PCDH11Y: variants seen among roughly 807,000 people sequenced by gnomAD.
PCDH11Y encodes protocadherin 11 Y-linked.
For missense variants in PCDH11Y, 12 were observed against 224.8 expected, an observed-to-expected ratio of 0.05 and a Z score of 6.05; for synonymous variants, 9 against 83.6, an observed-to-expected ratio of 0.11 and a Z score of 4.87.
At chrY:5,275,956 G>C in intron 2 of PCDH11Y, among the ~76,000 whole-genome samples, 1 of 33,007 alleles carries the variant, frequency 3.0e-5, no homozygotes, top group African/African-American at 1.2e-4. Context: ...GTATCTCCTA[G>C]GTTTGTGATA....
chrY:5,192,719 T>C (rs2124648561), intron 2 of PCDH11Y, among the ~76,000 whole-genome samples: 1 of 33,503 alleles, frequency 3.0e-5, no homozygotes, highest in East Asian at 8.0e-4. Flanking sequence ...AATTGCAGTT[T>C]TGAGTAGTGC....
chrY:5,605,836 A>C, intron 4 of PCDH11Y, among the ~76,000 whole-genome samples: 2 of 30,353 alleles, frequency 6.6e-5, no homozygotes, highest in African/African-American at 2.6e-4. Flanking sequence ...AAAGGAATGG[A>C]ATGTACTTTG....
chrY:5,391,286 TTCTG>T lies in PCDH11Y; in HGVS notation c.3130-109768_3130-109765del, dbSNP rs2053220793. On this transcript the variant is annotated intron_variant, in intron 2 of 4. Coordinates refer to the PCDH11Y transcript ENST00000400457. ...TCCAGAGACTTCACAATCCTATACT[TTCTG>T]TCATATTTCACATGGAGTGCTTGCT... is the stretch of plus-strand genomic sequence containing the variant. Among the ~76,000 whole-genome samples, 55 of 28,886 alleles carry T rather than the reference TTCTG, an allele frequency of 1.9e-3. No homozygotes were observed. The East Asian group carries it at 0.049, about 26-fold the overall frequency. The allele number at this position is 28,886 out of a possible 37,273, so 77.5% of individuals were successfully genotyped here. A position where few individuals can be genotyped will look rare whatever the true frequency, so the allele number is the denominator to read the frequency against.
intron 2 of PCDH11Y, among the ~76,000 whole-genome samples, chrY:5,282,505 G>A: frequency 2.9e-5 from 1 of 34,010 alleles, no homozygotes; most frequent in Non-Finnish European, 7.5e-5. Context: ...TCACAGCCAC[G>A]TATAATAAAA....
intron 2 of PCDH11Y, among the ~76,000 whole-genome samples, chrY:5,111,426 A>G: frequency 3.0e-5 from 1 of 33,687 alleles, no homozygotes; most frequent in Non-Finnish European, 7.4e-5. Flanking sequence ...CACAAATTTA[A>G]TTATCCAAAG....
rs2053468631 is a variant in PCDH11Y, at chrY:5,597,365, G to GTA, written c.3352+15576_3352+15577dup. On this transcript the variant is annotated intron_variant, in intron 4 of 4. Transcript: ENST00000400457. ...TATATATATGTGTGTATATATATAC[G>GTA]TATATATATACATATATATGTGTGT... 1.5e-4 allele frequency among the ~76,000 whole-genome samples: 4 copies of GTA among 26,687 alleles called. No homozygotes were observed. The East Asian group carries it at 2.8e-3, about 19-fold the overall frequency. The allele number at this position is 26,687 out of a possible 37,273, so 71.6% of individuals were successfully genotyped here.
downstream of PCDH11Y, among the ~76,000 whole-genome samples, chrY:5,109,633 G>A: frequency 3.1e-5 from 1 of 32,493 alleles, no homozygotes; most frequent in Non-Finnish European, 7.5e-5. Flanking sequence ...TTGATTAGTT[G>A]ATAGTGTAAT....
chrY:5,039,368 A>G (rs2563689), intron 3 of PCDH11Y, among the ~76,000 whole-genome samples: 21 of 33,408 alleles, frequency 6.3e-4, no homozygotes, highest in African/African-American at 2.4e-3. Context: ...CCCTGTGATC[A>G]CAATTTCCTA....
chrY:5,052,508 A>G, upstream of PCDH11Y, among the ~76,000 whole-genome samples: 1 of 33,480 alleles, frequency 3.0e-5, no homozygotes, highest in Non-Finnish European at 7.4e-5. Flanking sequence ...TTACCTACTC[A>G]GAGATGATAA....
At chrY:5,709,722 C>G in intron 4 of PCDH11Y, among the ~76,000 whole-genome samples, 1 of 33,433 alleles carries the variant, frequency 3.0e-5, no homozygotes, top group African/African-American at 1.2e-4. Flanking sequence ...GATGGGGAAA[C>G]TATCTCCTCA....
chrY:5,621,444 C>G, intron 4 of PCDH11Y, among the ~76,000 whole-genome samples: 1 of 32,200 alleles, frequency 3.1e-5, no homozygotes, highest in Non-Finnish European at 7.6e-5. Context: ...TAGGAAGAAT[C>G]AATATTGTAA....
chrY:5,182,198 G>T (rs2052900833), intron 2 of PCDH11Y, among the ~76,000 whole-genome samples: 2 of 32,914 alleles, frequency 6.1e-5, no homozygotes, highest in Admixed American at 2.8e-4. Flanking sequence ...TTTGCTGGGG[G>T]TCTGCTTTAG....
intron 1 of PCDH11Y, among the ~76,000 whole-genome samples, chrY:5,090,062 A>G: frequency 6.0e-5 from 2 of 33,541 alleles, no homozygotes; most frequent in African/African-American, 2.3e-4. Flanking sequence ...CTGACATACA[A>G]TGAACCAGAA....
intron 2 of PCDH11Y, among the ~76,000 whole-genome samples, chrY:5,301,662 A>G: frequency 3.0e-5 from 1 of 33,587 alleles, no homozygotes; most frequent in African/African-American, 1.2e-4. Flanking sequence ...ACAAAACTGT[A>G]TAGCATCTAT....
intron 3 of PCDH11Y, among the ~76,000 whole-genome samples, chrY:5,541,371 T>G: frequency 2.9e-5 from 1 of 33,985 alleles, no homozygotes; most frequent in Non-Finnish European, 7.4e-5. Context: ...TTCTTGTGTT[T>G]TGCCTTCCGT....
chrY:5,203,713 A>G (rs2052929195), intron 2 of PCDH11Y, among the ~76,000 whole-genome samples: 1 of 28,329 alleles, frequency 3.5e-5, no homozygotes, highest in African/African-American at 1.4e-4. Flanking sequence ...ATAGATAACC[A>G]TAATAAAATT....
intron 2 of PCDH11Y, among the ~76,000 whole-genome samples, chrY:5,255,473 T>C: frequency 3.0e-5 from 1 of 33,630 alleles, no homozygotes; most frequent in Non-Finnish European, 7.4e-5. Flanking sequence ...TGCTTTCAAG[T>C]CTTGGCTATG....
intron 2 of PCDH11Y, among the ~76,000 whole-genome samples, chrY:5,336,425 C>G (rs2053137289): frequency 3.3e-5 from 1 of 30,256 alleles, no homozygotes; most frequent in Non-Finnish European, 7.8e-5. Flanking sequence ...CGCCTGCCAC[C>G]TCGCCCGGCT....
intron 2 of PCDH11Y, among the ~76,000 whole-genome samples, chrY:5,291,283 T>C: frequency 2.9e-5 from 1 of 34,176 alleles, no homozygotes; most frequent in Non-Finnish European, 7.3e-5. Context: ...TTTTGTATCC[T>C]GCAACTATAC....
Sources: gnomAD v4.1 joint callset for allele counts (sites outside exome capture counted in the v4.1 genomes callset) on GRCh38, gnomAD v4.1.1 for gene constraint, MANE v1.5 for transcripts, NCBI Gene and HGNC (gene_info 2026-07-23, HGNC 2026-07-21) for gene names.